The following CDH13 variants were observed in gnomAD, a reference collection of about 807,000 sequenced individuals.
The protein encoded by CDH13 is cadherin 13.
In CDH13, 24 loss-of-function variants were observed where a neutral mutation model predicts 63.8. The observed-to-expected ratio is 0.38, with a 90% CI of 0.27 to 0.53. The LOEUF (loss-of-function observed/expected upper bound fraction) is 0.53, where lower values mean the gene tolerates loss of function less well. Ranked by LOEUF, CDH13 falls within the 20% of genes least tolerant of loss-of-function variation. The pLI, the probability that CDH13 is intolerant of heterozygous loss-of-function variation, is 0.85. For synonymous variants in CDH13, 503 were observed against 355.3 expected, an observed-to-expected ratio of 1.42 and a Z score of -4.67; for missense variants, 1,049 against 903.1, an observed-to-expected ratio of 1.16 and a Z score of -2.07.
At chr16:83,253,921 G>A (rs899518190) in intron 5 of CDH13, among the ~76,000 whole-genome samples, 2 of 152,216 alleles carry the variant, frequency 1.3e-5, no homozygotes, top group African/African-American at 2.4e-5. Context: ...ACGTGCAGAT[G>A]TAATGGGATT....
chr16:82,667,117 A>T (rs921398053), intron 1 of CDH13, among the ~76,000 whole-genome samples: 1 of 152,178 alleles, frequency 6.6e-6, no homozygotes, highest in Non-Finnish European at 1.5e-5. Flanking sequence ...AAGTTATCTG[A>T]TGCCAGCTTA....
chr16:82,734,619 G>GC (rs902783449), intron 1 of CDH13, among the ~76,000 whole-genome samples: 5 of 152,174 alleles, frequency 3.3e-5, no homozygotes, highest in African/African-American at 4.8e-5. Context: ...AGCATTCAGG[G>GC]CCAACACCTA....
intron 3 of CDH13, among the ~76,000 whole-genome samples, chr16:83,052,884 C>T (rs184714911): frequency 1.4e-3 from 210 of 150,796 alleles, no homozygotes; most frequent in Non-Finnish European, 2.4e-3. Flanking sequence ...TTTTATAAAG[C>T]GGTGATTGGG....
intron 6 of CDH13, among the ~76,000 whole-genome samples, chr16:83,347,081 C>A (rs998435159): frequency 1.1e-4 from 16 of 152,282 alleles, no homozygotes; most frequent in Admixed American, 1.0e-3. Context: ...AACAAAAAGC[C>A]ACTTAGATTA....
chr16:83,321,392 G>A (rs970352656), intron 5 of CDH13, among the ~76,000 whole-genome samples: 1 of 152,042 alleles, frequency 6.6e-6, no homozygotes, highest in Non-Finnish European at 1.5e-5. Context: ...ATTGGCATCG[G>A]AATTATTTAA....
intron 7 of CDH13, among the ~76,000 whole-genome samples, chr16:83,562,102 C>G (rs2075720221): frequency 6.6e-6 from 1 of 152,170 alleles, no homozygotes; most frequent in Admixed American, 6.5e-5. Context: ...AGATCTCAGA[C>G]TAGTGCAAAA....
intron 6 of CDH13, among the ~76,000 whole-genome samples, chr16:83,408,162 C>A (rs995313684): frequency 6.6e-6 from 1 of 152,152 alleles, no homozygotes; most frequent in African/African-American, 2.4e-5. Context: ...GATCTTGTGA[C>A]CCGTGTGACT....
At chr16:82,638,362 AC>A in intron 1 of CDH13, among the ~76,000 whole-genome samples, 1 of 152,270 alleles carries the variant, frequency 6.6e-6, no homozygotes, top group East Asian at 1.9e-4. Flanking sequence ...CCATTTACAC[AC>A]TGTGTTGCCT....
At chr16:82,966,862 A>T (rs1688698091) in intron 2 of CDH13, among the ~76,000 whole-genome samples, 1 of 152,208 alleles carries the variant, frequency 6.6e-6, no homozygotes, top group African/African-American at 2.4e-5. Flanking sequence ...ATCACAGAAC[A>T]ATGATCAAAT....
Position 82,735,040 on chromosome 16 carries a change from C to T in CDH13, c.45+107903C>T, listed in dbSNP as rs556048123. On this transcript the variant is annotated intron_variant, in intron 1 of 13. Transcript: ENST00000567109. ...ACTGAGAGATGAAGGTGGCTTGAAC[C>T]AGGAGGTGGCCAAGAGTTGGCAGAC... Among the ~76,000 whole-genome samples the T allele has an allele frequency of 5.9e-5, 9 of 152,278 alleles. No homozygotes were observed. The East Asian group carries it at 1.5e-3, about 26-fold the overall frequency.
chr16:83,239,482 G>T (rs76960145), intron 5 of CDH13, among the ~76,000 whole-genome samples: 6,556 of 152,154 alleles, frequency 0.043, 150 homozygotes, highest in Middle Eastern at 0.065. Flanking sequence ...GTCTTACTTC[G>T]CCAGCCACCA....
chr16:83,727,099 G>T (rs573899836), intron 10 of CDH13, among the ~76,000 whole-genome samples: 1 of 152,100 alleles, frequency 6.6e-6, no homozygotes, highest in Non-Finnish European at 1.5e-5. Flanking sequence ...TCACAGAGTT[G>T]TGCAACCATC....
At chr16:83,770,491 C>T (rs1914687983) in intron 11 of CDH13, among the ~76,000 whole-genome samples, 1 of 152,148 alleles carries the variant, frequency 6.6e-6, no homozygotes, top group Admixed American at 6.5e-5. Flanking sequence ...TCTTAGATCT[C>T]ACGCAAGAAA....
chr16:83,632,051 A>T (rs1258892082), intron 8 of CDH13, among the ~76,000 whole-genome samples: 2 of 152,228 alleles, frequency 1.3e-5, no homozygotes, highest in Non-Finnish European at 2.9e-5. Context: ...ACAGGATTTT[A>T]AAGAAGAACG....
intron 5 of CDH13, among the ~76,000 whole-genome samples, chr16:83,304,333 GA>G (rs2089824209): frequency 6.6e-6 from 1 of 152,090 alleles, no homozygotes; most frequent in Non-Finnish European, 1.5e-5. Flanking sequence ...GGAATCTTGG[GA>G]AAAAAGACTG....
At chr16:82,931,158 C>G (rs990664971) in intron 2 of CDH13, among the ~76,000 whole-genome samples, 2 of 152,190 alleles carry the variant, frequency 1.3e-5, no homozygotes, top group Non-Finnish European at 2.9e-5. Context: ...AACCTGCTTT[C>G]TACCTAATTT....
At chr16:82,998,221 A>T (rs1912464373) in intron 2 of CDH13, among the ~76,000 whole-genome samples, 1 of 152,202 alleles carries the variant, frequency 6.6e-6, no homozygotes, top group Admixed American at 6.5e-5. Flanking sequence ...TTTCCCTAGA[A>T]TAACTATTTT....
intron 2 of CDH13, among the ~76,000 whole-genome samples, chr16:83,030,786 C>A (rs56203133): frequency 0.1 from 15,684 of 151,888 alleles, 910 homozygotes; most frequent in African/African-American, 0.15. Flanking sequence ...CCAGAAAGCA[C>A]CATAACTTAC....
At chr16:83,511,112 G>GCACA (rs35731151) in intron 7 of CDH13, among the ~76,000 whole-genome samples, 1 of 150,990 alleles carries the variant, frequency 6.6e-6, no homozygotes, top group South Asian at 2.1e-4. Context: ...ATGCACGCAT[G>GCACA]CACACACATG....
Sources: gnomAD v4.1 joint callset for allele counts (sites outside exome capture counted in the v4.1 genomes callset) on GRCh38, gnomAD v4.1.1 for gene constraint, MANE v1.5 for transcripts, NCBI Gene and HGNC (gene_info 2026-07-23, HGNC 2026-07-21) for gene names.